Variants in MAGI2 observed in about 807,000 individuals in gnomAD.
MAGI2 encodes membrane-associated guanylate kinase, WW and PDZ domain-containing protein 2.
Under a neutral mutation model 133.3 loss-of-function variants are expected in MAGI2, and 35 were observed. That is an observed-to-expected ratio of 0.26 (90% CI 0.20 to 0.35). The LOEUF is 0.35. MAGI2 is among the 10% of genes least tolerant of loss of function. The pLI is 1.00. For synonymous variants in MAGI2, 729 were observed against 710.6 expected (o/e 1.03, Z -0.41); for missense variants, 1,636 against 1,863.4 (o/e 0.88, Z 2.25).
chr7:78,762,669 G>A (rs1475163030), intron 2 of MAGI2, among the ~76,000 whole-genome samples: 7 of 152,156 alleles, frequency 4.6e-5, no homozygotes, highest in Admixed American at 2.0e-4. Flanking sequence ...AAATGACTCC[G>A]TTTTGGGAAA....
At chr7:78,689,052 G>C (rs1030045958) in intron 2 of MAGI2, among the ~76,000 whole-genome samples, 1 of 152,102 alleles carries the variant, frequency 6.6e-6, no homozygotes, top group African/African-American at 2.4e-5. Flanking sequence ...TTTCTATCTA[G>C]AAATATCTTT....
intron 1 of MAGI2, among the ~76,000 whole-genome samples, chr7:79,097,856 T>C (rs980711488): frequency 2.0e-5 from 3 of 152,188 alleles, no homozygotes; most frequent in Non-Finnish European, 4.4e-5. Context: ...GCGTGGTGGC[T>C]TATGCATGTA....
chr7:79,317,625 G>A (rs1290347740), intron 1 of MAGI2, among the ~76,000 whole-genome samples: 2 of 151,810 alleles, frequency 1.3e-5, no homozygotes, highest in African/African-American at 4.8e-5. Context: ...TTTTCATACT[G>A]AGTCTTTGAA....
intron 6 of MAGI2, among the ~76,000 whole-genome samples, chr7:78,390,660 C>A (rs1241825894): frequency 6.6e-6 from 1 of 151,958 alleles, no homozygotes; most frequent in Non-Finnish European, 1.5e-5. Context: ...GGAGGGGAAG[C>A]TACTCTATAT....
At chr7:79,182,634 C>G (rs1826720660) in intron 1 of MAGI2, among the ~76,000 whole-genome samples, 1 of 151,828 alleles carries the variant, frequency 6.6e-6, no homozygotes, top group Admixed American at 6.6e-5. Flanking sequence ...GAAGATTTCT[C>G]AAAGAACTAA....
intron 1 of MAGI2, among the ~76,000 whole-genome samples, chr7:79,062,985 T>C (rs772145404): frequency 1.3e-5 from 2 of 152,160 alleles, no homozygotes; most frequent in Non-Finnish European, 2.9e-5. Flanking sequence ...CTACTGCTTA[T>C]GTATGCTTTC....
chr7:78,595,279 G>A (rs1804476270), intron 3 of MAGI2, among the ~76,000 whole-genome samples: 1 of 152,182 alleles, frequency 6.6e-6, no homozygotes, highest in Admixed American at 6.5e-5. Flanking sequence ...ATCTGAATAT[G>A]AGACAATATA....
chr7:78,506,261 A>T (rs2150541212), intron 4 of MAGI2, among the ~76,000 whole-genome samples: 1 of 152,190 alleles, frequency 6.6e-6, no homozygotes, highest in East Asian at 1.9e-4. Context: ...TTTCACTGAG[A>T]TTGGAAACAG....
intron 1 of MAGI2, among the ~76,000 whole-genome samples, chr7:79,255,329 C>T (rs949712092): frequency 2.4e-4 from 37 of 152,194 alleles, no homozygotes; most frequent in African/African-American, 7.5e-4. Flanking sequence ...CTGATGATTA[C>T]CATGGGAGTT....
Position 78,160,043 on chromosome 7 carries a change from C to T in MAGI2, c.2827G>A (p.Glu943Lys). 6.3e-7 allele frequency: 1 copy of T among 1,584,184 alleles called. No individual in the cohort carries two copies. The highest frequency in any genetic ancestry group is 2.3e-5 in the East Asian group (1 of 44,232). ...CACTTACTTATAGTGGATCCAGACT[C>T]AGGCCTGTTCAGGGAGCTGATGATG... ...FVIISSLNRP[E>K]SGSTITVPHK... Residue 943 changes from glutamate to lysine, a missense_variant, in exon 16 of 22, where the codon GAG (glutamate) becomes AAG (lysine). Glu to Lys is a moderately conservative substitution (Grantham distance 56). Around this residue, in one of 5 missense-constraint regions of MAGI2, gnomAD observed 920 missense variants for 1,093.5 expected, o/e 0.84. Transcript: ENST00000354212.
At chr7:78,179,310 C>G (rs1461762712) in intron 13 of MAGI2, among the ~76,000 whole-genome samples, 1 of 152,296 alleles carries the variant, frequency 6.6e-6, no homozygotes, top group African/African-American at 2.4e-5. Context: ...AAATCTATGT[C>G]TGAGCCACAT....
chr7:78,483,564 A>T (rs1290749670), intron 6 of MAGI2, among the ~76,000 whole-genome samples: 2 of 151,712 alleles, frequency 1.3e-5, no homozygotes. Flanking sequence ...CCACAACCCA[A>T]AATTTGGTAC....
At chr7:79,218,324 A>G (rs376331289) in intron 1 of MAGI2, among the ~76,000 whole-genome samples, 16 of 152,116 alleles carry the variant, frequency 1.1e-4, no homozygotes, top group African/African-American at 3.4e-4. Context: ...GATTTGACAA[A>G]TATTTGGCAC....
At chr7:79,449,577 TCAA>T (rs1849095019) in intron 1 of MAGI2, among the ~76,000 whole-genome samples, 1 of 151,882 alleles carries the variant, frequency 6.6e-6, no homozygotes, top group South Asian at 2.1e-4. Flanking sequence ...CATATAGATC[TCAA>T]CATCACTCAA....
intron 2 of MAGI2, among the ~76,000 whole-genome samples, chr7:78,682,622 T>C (rs575149356): frequency 7.9e-5 from 12 of 152,302 alleles, no homozygotes; most frequent in South Asian, 4.1e-4. Context: ...CAGTCTATCA[T>C]TGATGGGCGT....
intron 3 of MAGI2, among the ~76,000 whole-genome samples, chr7:78,577,873 G>T (rs4730394): frequency 6.6e-6 from 1 of 151,820 alleles, no homozygotes; most frequent in South Asian, 2.1e-4. Flanking sequence ...TGGGCTCAGA[G>T]GCCTGACTCT....
chr7:79,347,771 G>T (rs550093417), intron 1 of MAGI2, among the ~76,000 whole-genome samples: 4 of 151,872 alleles, frequency 2.6e-5, no homozygotes, highest in African/African-American at 9.6e-5. Flanking sequence ...ATAAAAGCAT[G>T]GATAAAACTT....
intron 3 of MAGI2, among the ~76,000 whole-genome samples, chr7:78,593,163 AGG>A (rs1804221710): frequency 6.7e-6 from 1 of 150,362 alleles, no homozygotes; most frequent in Non-Finnish European, 1.5e-5. Flanking sequence ...CAATTAGATG[AGG>A]GCGGATCACG....
chr7:78,097,897 C>G (rs1160525610), intron 20 of MAGI2, among the ~76,000 whole-genome samples: 1 of 152,144 alleles, frequency 6.6e-6, no homozygotes, highest in African/African-American at 2.4e-5. Flanking sequence ...TCTTGGCTGA[C>G]TTGTGCACTA....
Sources: allele counts gnomAD v4.1 joint callset (sites outside exome capture counted in the v4.1 genomes callset), GRCh38; gene constraint gnomAD v4.1.1; regional missense constraint gnomAD v4.1.1; transcripts MANE v1.5; gene names NCBI Gene and HGNC (gene_info 2026-07-23, HGNC 2026-07-21).